ADGRL3: variants seen among roughly 807,000 people sequenced by gnomAD.
The protein encoded by ADGRL3 is calcium-independent alpha-latrotoxin receptor 3.
ADGRL3 carries 62 observed loss-of-function variants against 153.5 expected under a neutral mutation model. The ratio of observed to expected loss-of-function variants is 0.40; its 90% CI spans 0.33 to 0.50. ADGRL3 has a LOEUF of 0.50. Among genes scored for constraint, ADGRL3 ranks in the 20% least tolerant of loss-of-function variants. The probability of loss-of-function intolerance (pLI) is 0.47; values close to 1 mark genes in which losing one functional copy is unlikely to be tolerated. For missense variants in ADGRL3, 1,641 were observed against 1,859.4 expected (o/e 0.88, Z 2.16); for synonymous variants, 710 against 672.5 (o/e 1.06, Z -0.86).
intron 5 of ADGRL3, among the ~76,000 whole-genome samples, chr4:61,652,772 C>A (rs564833535): frequency 6.6e-6 from 1 of 152,154 alleles, no homozygotes; most frequent in Non-Finnish European, 1.5e-5. Flanking sequence ...CCTGTAAGAA[C>A]AGGTTTCATA....
chr4:61,670,462 G>A (rs983243152), intron 5 of ADGRL3, among the ~76,000 whole-genome samples: 1 of 152,042 alleles, frequency 6.6e-6, no homozygotes, highest in Non-Finnish European at 1.5e-5. Context: ...TCGAACATGA[G>A]ATAGTGGGCT....
chr4:61,526,035 G>T (rs576978631), intron 4 of ADGRL3, among the ~76,000 whole-genome samples: 1 of 152,088 alleles, frequency 6.6e-6, no homozygotes, highest in Non-Finnish European at 1.5e-5. Context: ...TGCTGGGGAC[G>T]CACTTACCTT....
intron 4 of ADGRL3, among the ~76,000 whole-genome samples, chr4:61,527,341 T>G (rs2152941111): frequency 6.6e-6 from 1 of 152,254 alleles, no homozygotes; most frequent in East Asian, 1.9e-4. Flanking sequence ...GGTATATATT[T>G]TGTTGATTTA....
At chr4:61,232,446 T>C (rs907897397) in intron 1 of ADGRL3, among the ~76,000 whole-genome samples, 1 of 151,902 alleles carries the variant, frequency 6.6e-6, no homozygotes, top group African/African-American at 2.4e-5. Context: ...GTAACTGGGA[T>C]TACAGGCATG....
At chr4:61,676,126 G>A (rs2095182845) in intron 5 of ADGRL3, among the ~76,000 whole-genome samples, 1 of 151,852 alleles carries the variant, frequency 6.6e-6, no homozygotes, top group Middle Eastern at 3.4e-3. Context: ...TTAGTGGTAT[G>A]TCATTATTCT....
At chr4:61,808,734 G>T (rs2097577168) in intron 8 of ADGRL3, among the ~76,000 whole-genome samples, 1 of 146,558 alleles carries the variant, frequency 6.8e-6, no homozygotes, top group Admixed American at 6.8e-5. Context: ...GGGTTTTTGT[G>T]TTTGTTTGTT....
intron 8 of ADGRL3, among the ~76,000 whole-genome samples, chr4:61,779,517 C>G (rs556284482): frequency 6.6e-6 from 1 of 150,938 alleles, no homozygotes; most frequent in Admixed American, 6.6e-5. Flanking sequence ...ACCTGTAATC[C>G]CAGCTACTCA....
intron 21 of ADGRL3, among the ~76,000 whole-genome samples, chr4:62,009,342 A>G (rs1412911953): frequency 1.3e-5 from 2 of 152,144 alleles, no homozygotes; most frequent in Non-Finnish European, 2.9e-5. Flanking sequence ...TCAAGCAATA[A>G]TAAGGCACAC....
chr4:61,665,487 C>T (rs1341423880), intron 5 of ADGRL3, among the ~76,000 whole-genome samples: 1 of 152,000 alleles, frequency 6.6e-6, no homozygotes, highest in Non-Finnish European at 1.5e-5. Context: ...TTATCGTCTC[C>T]AAGTAATACC....
chr4:61,470,404 A>G (rs904527364), intron 2 of ADGRL3, among the ~76,000 whole-genome samples: 1 of 152,006 alleles, frequency 6.6e-6, no homozygotes, highest in African/African-American at 2.4e-5. Context: ...TACCAGTAAC[A>G]GATAGACACT....
At position 61,669,569 on chromosome 4, in the gene ADGRL3, T is replaced by A. The variant is rs1580191408; in HGVS notation, c.474-7257T>A. ...TGATGTGGCTTTTTAAATTACAAGA[T>A]ATCTGTAAAATATTTTTCTCTTGGA... On this transcript the variant is annotated intron_variant, in intron 5 of 26. Coordinates refer to ENST00000683033, the MANE Select transcript of ADGRL3 (RefSeq NM_001387552.1). 2.6e-5 allele frequency among the ~76,000 whole-genome samples: 4 copies of A among 152,224 alleles called. No homozygotes were observed. The East Asian group carries it at 7.7e-4, about 29-fold the overall frequency.
At position 61,202,530 on chromosome 4, in the gene ADGRL3, C is replaced by A. The variant is rs557494122; in HGVS notation, c.-240+765C>A. Among the ~76,000 whole-genome samples, 16 of 152,012 alleles carry A rather than the reference C, an allele frequency of 1.1e-4. No individual in the cohort carries two copies. Among genetic ancestry groups the A allele is most frequent in the African/African-American group, 3.9e-4 (16 of 41,484 alleles). ...CTGGGCGGGGGGCGGCGGTGTTGCA[C>A]GAATCCGGGCGGCCGCGGCGCCGGG... On this transcript the variant is annotated intron_variant, in intron 1 of 26. Coordinates refer to ENST00000683033, the MANE Select transcript of ADGRL3 (RefSeq NM_001387552.1). This position sits in a 1 kb window ranked among gnomAD's most constrained non-coding sequence, Gnocchi z 5.0.
intron 13 of ADGRL3, among the ~76,000 whole-genome samples, chr4:61,922,216 G>A (rs1161330887): frequency 2.0e-5 from 3 of 152,072 alleles, no homozygotes; most frequent in Non-Finnish European, 2.9e-5. Context: ...CTTTTTGTAT[G>A]GAGTTTTACA....
chr4:61,422,966 A>C (rs1560606701), intron 2 of ADGRL3, among the ~76,000 whole-genome samples: 1 of 152,154 alleles, frequency 6.6e-6, no homozygotes, highest in Non-Finnish European at 1.5e-5. Flanking sequence ...AAGAAAGGTG[A>C]AAATTCCTCA....
intron 9 of ADGRL3, among the ~76,000 whole-genome samples, chr4:61,814,539 A>G (rs983713585): frequency 6.6e-6 from 1 of 152,160 alleles, no homozygotes. Flanking sequence ...CTCACAGCTG[A>G]TATGTGGACA....
intron 6 of ADGRL3, among the ~76,000 whole-genome samples, chr4:61,705,291 A>G (rs1224176059): frequency 6.6e-6 from 1 of 152,054 alleles, no homozygotes; most frequent in Non-Finnish European, 1.5e-5. Flanking sequence ...AATGAAAACA[A>G]CATTAATGTT....
chr4:61,295,903 T>C (rs1247518218), intron 1 of ADGRL3, among the ~76,000 whole-genome samples: 1 of 151,340 alleles, frequency 6.6e-6, no homozygotes, highest in South Asian at 2.1e-4. Context: ...CGTCCAAGAG[T>C]GTGAGACTTC....
chr4:61,707,205 A>G (rs2095871748), intron 6 of ADGRL3, among the ~76,000 whole-genome samples: 1 of 152,222 alleles, frequency 6.6e-6, no homozygotes, highest in Admixed American at 6.5e-5. Flanking sequence ...AGTTACATCA[A>G]GTATCACTGA....
At chr4:61,934,196 G>A (rs574743490) in intron 13 of ADGRL3, among the ~76,000 whole-genome samples, 1 of 152,284 alleles carries the variant, frequency 6.6e-6, no homozygotes, top group African/African-American at 2.4e-5. Flanking sequence ...ACCATAGGTA[G>A]TAAGGTTCAA....
Sources: allele counts gnomAD v4.1 joint callset (sites outside exome capture counted in the v4.1 genomes callset), GRCh38; gene constraint gnomAD v4.1.1; non-coding constraint Gnocchi (gnomAD v3.1); transcripts MANE v1.5; gene names NCBI Gene and HGNC (gene_info 2026-07-23, HGNC 2026-07-21).